POTEC: variants seen among roughly 807,000 people sequenced by gnomAD.
POTEC encodes POTE ankyrin domain family member C.
Under a neutral mutation model 62.0 loss-of-function variants are expected in POTEC, and 35 were observed. That is an observed-to-expected ratio of 0.56 (90% CI 0.43 to 0.75). POTEC has a LOEUF of 0.75. Among genes scored for constraint, POTEC ranks in the 30% least tolerant of loss-of-function variants. The pLI is 0.00. For missense variants in POTEC, 472 were observed against 655.9 expected (o/e 0.72, Z 3.06); for synonymous variants, 156 against 221.5 (o/e 0.70, Z 2.62).
rs372491431 is a variant in POTEC at position 14,516,457 on chromosome 18, A to T, written c.1410-2672T>A. Among the ~76,000 whole-genome samples, 256 of 132,188 alleles carry T rather than the reference A, an allele frequency of 1.9e-3. 2 individuals are homozygous for T. In the South Asian group the frequency reaches 0.019, roughly 10 times the overall value. 86.7% of individuals were successfully genotyped at this position (132,188 alleles called of 152,430 possible). On this transcript the variant is annotated intron_variant, in intron 9 of 10. Coordinates refer to ENST00000358970, the MANE Select transcript of POTEC (RefSeq NM_001137671.2). The stretch of plus-strand genomic sequence containing the variant: ...GCAGAAGGTAAAGGGGAAGCAGGCA[A>T]CTTCTTCAAAAGGTGGCAGGAGAGA...
chr18:14,507,773 G>C lies in POTEC; in HGVS notation c.*4125C>G, dbSNP rs911246554. On this transcript the variant is annotated 3_prime_UTR_variant, in exon 11 of 11. Transcript: ENST00000358970. ...CAGGAGCTCTTGTAAGGTAGGTCTGGTGATAACGAATTCCCTCAGCATTTG... is the reference window on the plus strand; with the variant it reads ...CAGGAGCTCTTGTAAGGTAGGTCTGCTGATAACGAATTCCCTCAGCATTTG... The C allele has an allele frequency of 6.6e-6, 1 of 152,124 alleles. No homozygotes were observed. Among genetic ancestry groups the C allele is most frequent in the African/African-American group, 2.4e-5 (1 of 41,392 alleles). The allele number at this position is 152,124 out of a possible 1,614,324, so 9.4% of individuals were successfully genotyped here.
chr18:14,543,228 T>G lies in POTEC; in HGVS notation c.-82A>C, dbSNP rs1375400533. 6.4e-6 allele frequency: 10 copies of G among 1,562,690 alleles called. No individual in the cohort carries two copies. The East Asian group carries it at 2.0e-4, about 32-fold the overall frequency. Reference sequence around the variant, plus strand: ...AGTTTCACCAACTAGCAGGAAACCCTGGGTTTCCAATCTGTTTGAAGAGAA... The same window carrying G: ...AGTTTCACCAACTAGCAGGAAACCCGGGGTTTCCAATCTGTTTGAAGAGAA... On this transcript the variant is annotated 5_prime_UTR_variant, in exon 1 of 11. Coordinates refer to ENST00000358970, the MANE Select transcript of POTEC (RefSeq NM_001137671.2).
chr18:14,515,057 A>T (rs1598476365), intron 9 of POTEC, among the ~76,000 whole-genome samples: 1 of 152,288 alleles, frequency 6.6e-6, no homozygotes, highest in South Asian at 2.1e-4. Context: ...ATCACAGATG[A>T]TACAAATAAA....
chr18:14,519,790 G>T (rs1444452346), intron 9 of POTEC, among the ~76,000 whole-genome samples: 1 of 152,006 alleles, frequency 6.6e-6, no homozygotes, highest in Non-Finnish European at 1.5e-5. Context: ...TGTCCAAAAG[G>T]AGAAAGATGA....
chr18:14,531,749 C>T (rs1020264158), intron 5 of POTEC: 19 of 151,776 alleles, frequency 1.3e-4, no homozygotes, highest in African/African-American at 4.4e-4. Flanking sequence ...CTGTATTGTT[C>T]CAATTTTAGG....
At position 14,509,978 on chromosome 18, in the gene POTEC, A is replaced by C. The variant is rs925286618; in HGVS notation, c.*1920T>G. On this transcript the variant is annotated 3_prime_UTR_variant, in exon 11 of 11. Coordinates refer to ENST00000358970, the MANE Select transcript of POTEC (RefSeq NM_001137671.2). ...TCAGCACTCCTAAAGTGCTGGGATA[A>C]AGTGTCTCATAAGAGCAAGTGGAGC... 3 of 149,264 alleles carry C rather than the reference A, an allele frequency of 2.0e-5. No homozygotes were observed. Among genetic ancestry groups the C allele is most frequent in the South Asian group, 2.2e-4 (1 of 4,612 alleles). The allele number at this position is 149,264 out of a possible 1,614,324, so 9.2% of individuals were successfully genotyped here.
At chr18:14,521,900 G>A (rs1299440542) in intron 9 of POTEC, among the ~76,000 whole-genome samples, 1 of 152,032 alleles carries the variant, frequency 6.6e-6, no homozygotes, top group Non-Finnish European at 1.5e-5. Flanking sequence ...ACTACCTCTC[G>A]AGTATTTTGC....
At chr18:14,530,328 A>G (rs1905464496) in intron 6 of POTEC, among the ~76,000 whole-genome samples, 155 bp downstream of exon 6, 1 of 152,130 alleles carries the variant, frequency 6.6e-6, no homozygotes, top group African/African-American at 2.4e-5. Flanking sequence ...ATAATAATAT[A>G]AAGTAGCACA....
At chr18:14,526,910 T>C (rs989898463) in intron 6 of POTEC, among the ~76,000 whole-genome samples, 43 of 152,252 alleles carry the variant, frequency 2.8e-4, no homozygotes, top group South Asian at 1.4e-3. Flanking sequence ...AGGTGACAGC[T>C]AGCTCATGTG....
In POTEC at chr18:14,538,150, C is replaced by G. The variant is rs538166118; in HGVS notation, c.621G>C (p.Arg207Ser). 1 of 1,610,486 alleles carries G rather than the reference C, an allele frequency of 6.2e-7. No individual in the cohort carries two copies. Among genetic ancestry groups the G allele is most frequent in the East Asian group, 2.2e-5 (1 of 44,822 alleles). ...TACTGCATACCTTTATCAGAGCTGT[C>G]CTTTTTTTGTTGTCAAGGACATTAA... ...CQLNVLDNKK[R>S]TALIKAVQCQ... The change falls in exon 2 of 11, where the codon AGG becomes AGC. Residue 207 changes from arginine to serine, a missense_variant. By Grantham distance (110) the Arg-to-Ser change is moderately radical (BLOSUM62 -1). Transcript: ENST00000358970.
chr18:14,537,223 AAAC>A lies in POTEC; in HGVS notation c.810+575_810+577del, dbSNP rs1380817359. Among the ~76,000 whole-genome samples, 797 of 125,728 alleles carry A rather than the reference AAAC, an allele frequency of 6.3e-3. 17 individuals carry two copies. Among genetic ancestry groups the A allele is most frequent in the East Asian group, 0.039 (138 of 3,574 alleles). 82.5% of individuals were successfully genotyped at this position (125,728 alleles called of 152,430 possible). A position where few individuals can be genotyped will look rare whatever the true frequency, so the allele number is the denominator to read the frequency against. ...CACACACACACACAAAAAAAAAAAA[AAAC>A]AAAAAAAAACCTCTTCATGGTCTTT... On this transcript the variant is annotated intron_variant, in intron 3 of 10. Coordinates refer to ENST00000358970, the MANE Select transcript of POTEC (RefSeq NM_001137671.2).
At chr18:14,512,680 A>G (rs970176483) in intron 10 of POTEC, among the ~76,000 whole-genome samples, 1 of 152,154 alleles carries the variant, frequency 6.6e-6, no homozygotes, top group African/African-American at 2.4e-5. Flanking sequence ...CTGAGGCAGG[A>G]GAATCGTGTG....
Position 14,543,207 on chromosome 18 carries a change from T to C in POTEC, c.-61A>G, listed in dbSNP as rs1456690537. Reference sequence around the variant, plus strand: ...AACAGATCGCGTCTACCAACCAGTTTCACCAACTAGCAGGAAACCCTGGGT... The same window carrying C: ...AACAGATCGCGTCTACCAACCAGTTCCACCAACTAGCAGGAAACCCTGGGT... On this transcript the variant is annotated 5_prime_UTR_variant, in exon 1 of 11. Coordinates refer to ENST00000358970, the MANE Select transcript of POTEC (RefSeq NM_001137671.2). 6.2e-7 allele frequency: 1 copy of C among 1,606,592 alleles called. No individual in the cohort carries two copies. Among genetic ancestry groups the C allele is most frequent in the Non-Finnish European group, 8.5e-7 (1 of 1,175,548 alleles).
rs755821779 is a variant in POTEC, at chr18:14,513,782, G to A, written c.1413C>T (p.Asp471=). ...PDTENEEYHS[D]EQNDTRKQLS... is the part of the protein sequence containing the mutation. ...GTTGTTTCCGGGTATCATTTTGTTC[G>A]TCACTAGAAGAAATTTTAATTTTCA... The change falls in exon 10 of 11, where the codon GAC becomes GAT. Residue 471 remains aspartate, a synonymous_variant. Transcript: ENST00000358970. 5.3e-5 allele frequency: 85 copies of A among 1,606,848 alleles called. No individual in the cohort carries two copies. The highest frequency in any genetic ancestry group is 2.3e-4 in the South Asian group (21 of 89,720).
intron 6 of POTEC, chr18:14,528,181 A>G (rs1206418085): frequency 1.3e-5 from 2 of 152,200 alleles, no homozygotes; most frequent in Non-Finnish European, 2.9e-5. Context: ...AAAGCTTGCT[A>G]ACCCATTTTA....
intron 9 of POTEC, among the ~76,000 whole-genome samples, chr18:14,514,132 T>C (rs945807470): frequency 2.6e-5 from 4 of 151,962 alleles, no homozygotes; most frequent in African/African-American, 7.3e-5. Context: ...CAGCTTGTTT[T>C]CCTGCAACTA....
intron 9 of POTEC, among the ~76,000 whole-genome samples, chr18:14,517,790 G>A (rs1567910477): frequency 6.6e-6 from 1 of 152,156 alleles, no homozygotes; most frequent in African/African-American, 2.4e-5. Context: ...TGAACCAGAA[G>A]GTGGAGGTTG....
At position 14,509,235 on chromosome 18, in the gene POTEC, G is replaced by A. The variant is rs546511006; in HGVS notation, c.*2663C>T. ...GGCCACGGGCCCCTGCTGACTGTGT[G>A]TGCTGTTGCACTGGAGGTAGTGCTG... is the stretch of plus-strand genomic sequence containing the variant. On this transcript the variant is annotated 3_prime_UTR_variant, in exon 11 of 11. Coordinates refer to ENST00000358970, the MANE Select transcript of POTEC (RefSeq NM_001137671.2). The A allele has an allele frequency of 6.6e-6, 1 of 152,470 alleles. No individual in the cohort carries two copies. Among genetic ancestry groups the A allele is most frequent in the South Asian group, 2.1e-4 (1 of 4,834 alleles). 9.4% of individuals were successfully genotyped at this position (152,470 alleles called of 1,614,324 possible).
Position 14,523,478 on chromosome 18 carries a change from CTTAT to C in POTEC, c.1223_1226del (p.Asn408ArgfsTer11), listed in dbSNP as rs1328123841. 1 of 1,578,020 alleles carries C rather than the reference CTTAT, an allele frequency of 6.3e-7. No individual in the cohort carries two copies. Among genetic ancestry groups the C allele is most frequent in the East Asian group, 2.3e-5 (1 of 43,486 alleles). On this transcript the variant is annotated frameshift_variant, in exon 8 of 11. Transcript: ENST00000358970. LOFTEE classifies it high-confidence loss of function. ...AAAGGTATACCTCTCTATCACAGTCCTTATTTATTTCTGGTTCTTGAGACATTTT... is the reference window on the plus strand; with the variant it reads ...AAAGGTATACCTCTCTATCACAGTCCTTATTTCTGGTTCTTGAGACATTTT...
Sources: gnomAD v4.1 joint callset for allele counts (sites outside exome capture counted in the v4.1 genomes callset) on GRCh38, gnomAD v4.1.1 for gene constraint, MANE v1.5 for transcripts, NCBI Gene and HGNC (gene_info 2026-07-23, HGNC 2026-07-21) for gene names.